Variants in KAZN observed in about 807,000 individuals in gnomAD.
The protein encoded by KAZN is kazrin.
Under a neutral mutation model 87.4 loss-of-function variants are expected in KAZN, and 40 were observed. The observed-to-expected ratio is 0.46, with a 90% CI of 0.36 to 0.60. The LOEUF is 0.60. Ranked by LOEUF, KAZN falls within the 20% of genes least tolerant of loss-of-function variation. KAZN has a pLI of 0.00. For missense variants in KAZN, 898 were observed against 1,073.9 expected, an observed-to-expected ratio of 0.84 and a Z score of 2.29; for synonymous variants, 466 against 458.3, an observed-to-expected ratio of 1.02 and a Z score of -0.22.
chr1:14,789,810 A>G (rs569507408), intron 1 of KAZN, among the ~76,000 whole-genome samples: 4 of 146,412 alleles, frequency 2.7e-5, no homozygotes, highest in Non-Finnish European at 6.0e-5. Flanking sequence ...CCTAGAGCCT[A>G]GACAGTATCT....
chr1:14,707,828 G>C (rs143138778), intron 1 of KAZN, among the ~76,000 whole-genome samples: 1 of 152,040 alleles, frequency 6.6e-6, no homozygotes, highest in African/African-American at 2.4e-5. Flanking sequence ...TTCATTTCTC[G>C]GCACTCTTCT....
At chr1:14,616,699 G>C (rs1272458812) in intron 1 of KAZN, among the ~76,000 whole-genome samples, 2 of 152,170 alleles carry the variant, frequency 1.3e-5, no homozygotes, top group African/African-American at 4.8e-5. Flanking sequence ...CATCCTGATT[G>C]TTCTCCCTAG....
chr1:14,222,663 AT>A (rs1647131787), intron 2 of KAZN, among the ~76,000 whole-genome samples: 1 of 152,224 alleles, frequency 6.6e-6, no homozygotes, highest in Non-Finnish European at 1.5e-5. Context: ...TTAAAATATA[AT>A]TTGTGAAATA....
intron 1 of KAZN, among the ~76,000 whole-genome samples, chr1:14,611,838 TG>T (rs930349728): frequency 6.6e-6 from 1 of 152,202 alleles, no homozygotes; most frequent in African/African-American, 2.4e-5. Context: ...GTGTGGAAGT[TG>T]GCAAACTTTT....
intron 1 of KAZN, among the ~76,000 whole-genome samples, chr1:14,883,355 A>AGAGAGAAAG (rs1553150619): frequency 4.9e-5 from 1 of 20,618 alleles, no homozygotes; most frequent in Non-Finnish European, 9.5e-5. Flanking sequence ...AGAAAGAAAG[A>AGAGAGAAAG]AAAGAAAGAA....
intron 1 of KAZN, among the ~76,000 whole-genome samples, chr1:13,921,520 C>T (rs1192108382): frequency 6.6e-6 from 1 of 152,206 alleles, no homozygotes; most frequent in Non-Finnish European, 1.5e-5. Flanking sequence ...GCATGCCTTC[C>T]AAGTTCTTTC....
At chr1:14,082,821 C>T (rs1398462336) in intron 1 of KAZN, among the ~76,000 whole-genome samples, 2 of 152,190 alleles carry the variant, frequency 1.3e-5, no homozygotes, top group African/African-American at 4.8e-5. Context: ...AGATTGGTCT[C>T]ACCTCTCTAA....
intron 1 of KAZN, among the ~76,000 whole-genome samples, chr1:14,661,560 A>G (rs1317336111): frequency 1.3e-5 from 2 of 152,026 alleles, no homozygotes; most frequent in Admixed American, 6.6e-5. Flanking sequence ...TTTATTTACA[A>G]GAACAGGTGG....
chr1:14,261,682 C>T (rs562520066), intron 2 of KAZN, among the ~76,000 whole-genome samples: 39 of 152,178 alleles, frequency 2.6e-4, no homozygotes, highest in African/African-American at 4.8e-4. Flanking sequence ...TGTTTCCCTT[C>T]CAATCACCCT....
intron 1 of KAZN, chr1:14,180,320 T>C (rs1420346388): frequency 2.4e-6 from 2 of 820,226 alleles, no homozygotes; most frequent in Non-Finnish European, 3.8e-6. Context: ...TCTTGATACA[T>C]GCCTGGCTTA....
At chr1:14,309,199 C>T (rs1436580957) in intron 2 of KAZN, among the ~76,000 whole-genome samples, 2 of 152,150 alleles carry the variant, frequency 1.3e-5, no homozygotes, top group African/African-American at 4.8e-5. Context: ...AAAATTGCAA[C>T]AGGATAAGCA....
chr1:14,591,328 T>G lies in KAZN; in HGVS notation c.250-7655T>G, dbSNP rs145324049. On this transcript the variant is annotated intron_variant, in intron 2 of 16. Coordinates refer to the KAZN transcript ENST00000636203. ...TATATTTTGCTTGGCTGTGGTTGTT[T>G]TTCCCTGTCACTTACAGAGGCTGTG... Among the ~76,000 whole-genome samples, 1,421 of 152,132 alleles carry G rather than the reference T, an allele frequency of 9.3e-3. 25 individuals are homozygous for G. The highest frequency in any genetic ancestry group is 0.032 in the African/African-American group (1,315 of 41,478).
In KAZN at chr1:15,034,890, G is replaced by C. The variant is rs756649165; in HGVS notation, c.555+5G>C. ...AACTATGAGCAGCACCGCAAGGTCA[G>C]CCGCCGCCCTGCCCTCCCCTCCCCT... On this transcript the variant is annotated splice_donor_5th_base_variant and intron_variant, in intron 3 of 14. Coordinates refer to ENST00000376030, the MANE Select transcript of KAZN (RefSeq NM_201628.3). 6.2e-7 allele frequency: 1 copy of C among 1,613,376 alleles called. No homozygotes were observed. Among genetic ancestry groups the C allele is most frequent in the Non-Finnish European group, 8.5e-7 (1 of 1,179,874 alleles).
intron 2 of KAZN, among the ~76,000 whole-genome samples, chr1:15,009,946 C>T (rs55770019): frequency 1.4e-5 from 2 of 146,114 alleles, no homozygotes; most frequent in East Asian, 1.9e-4. Flanking sequence ...TTTTAAGAAA[C>T]ATAACCTCCA....
chr1:14,910,858 T>G (rs918797145), intron 1 of KAZN, among the ~76,000 whole-genome samples: 1 of 152,188 alleles, frequency 6.6e-6, no homozygotes, highest in Non-Finnish European at 1.5e-5. Flanking sequence ...ATTTTCTGAT[T>G]CTTAAATGTC....
intron 8 of KAZN, among the ~76,000 whole-genome samples, chr1:15,092,060 G>GTTTTTTTTTTTTTGTT (rs57460680): frequency 1.7e-5 from 2 of 114,404 alleles, no homozygotes; most frequent in African/African-American, 3.3e-5. Context: ...TTGTTTTTTT[G>GTTTTTTTTTTTTTGTT]TTTTTTTTTT....
chr1:14,405,933 C>G (rs1663814490), intron 2 of KAZN, among the ~76,000 whole-genome samples: 1 of 152,090 alleles, frequency 6.6e-6, no homozygotes, highest in African/African-American at 2.4e-5. Context: ...TTAGGGAGGG[C>G]AGTCTGCTAT....
intron 1 of KAZN, among the ~76,000 whole-genome samples, chr1:13,979,284 T>G (rs1028029347): frequency 1.3e-5 from 2 of 151,760 alleles, no homozygotes; most frequent in African/African-American, 4.8e-5. Context: ...CCTCAAGACA[T>G]CAAAAATTAA....
At chr1:14,166,807 G>A (rs1019803610) in intron 1 of KAZN, among the ~76,000 whole-genome samples, 8 of 151,932 alleles carry the variant, frequency 5.3e-5, no homozygotes, top group African/African-American at 1.2e-4. Context: ...GATTATTTCC[G>A]TGTTTACATA....
Sources: gnomAD v4.1 joint callset for allele counts (sites outside exome capture counted in the v4.1 genomes callset) on GRCh38, gnomAD v4.1.1 for gene constraint, MANE v1.5 for transcripts, NCBI Gene and HGNC (gene_info 2026-07-23, HGNC 2026-07-21) for gene names.